Variants in ANK3 observed in about 807,000 individuals in gnomAD.
The protein encoded by ANK3 is ankyrin-3.
In ANK3, 57 loss-of-function variants were observed where a neutral mutation model predicts 370.9. The ratio of observed to expected loss-of-function variants is 0.15; its 90% CI spans 0.12 to 0.19. The LOEUF is 0.19. ANK3 is among the 10% of genes least tolerant of loss of function. The pLI is 1.00. For synonymous variants in ANK3, 1,929 were observed against 1,946.3 expected (o/e 0.99, Z 0.23); for missense variants, 4,439 against 5,302.1 (o/e 0.84, Z 5.06).
rs1288144207 is a variant in ANK3 at position 60,507,728 on chromosome 10, TTACTA to T, written c.96+107453_96+107457del. On this transcript the variant is annotated intron_variant, in intron 2 of 43. Transcript: ENST00000373827. ...AAATTTTACCAAAAAAAGCAAAATGTTACTAAACTCCTAGAGAATTAAGAGTAATG... is the reference window on the plus strand; with the variant it reads ...AAATTTTACCAAAAAAAGCAAAATGTAACTCCTAGAGAATTAAGAGTAATG... 4 of 152,044 alleles carry T rather than the reference TTACTA, an allele frequency of 2.6e-5. No homozygotes were observed. In the East Asian group the frequency reaches 7.7e-4, roughly 29 times the overall value. 9.4% of individuals were successfully genotyped at this position (152,044 alleles called of 1,614,324 possible). A position where few individuals can be genotyped will look rare whatever the true frequency, so the allele number is the denominator to read the frequency against.
chr10:60,691,324 T>C (rs1343066535), intron 1 of ANK3, among the ~76,000 whole-genome samples: 4 of 151,956 alleles, frequency 2.6e-5, no homozygotes, highest in African/African-American at 7.3e-5. Context: ...GAAAAGAAAA[T>C]ACTACTTGAA....
At chr10:60,538,332 G>T (rs2076769100) in intron 2 of ANK3, among the ~76,000 whole-genome samples, 1 of 151,826 alleles carries the variant, frequency 6.6e-6, no homozygotes, top group Non-Finnish European at 1.5e-5. Context: ...GTATAGTCAG[G>T]TGTACAAAAA....
chr10:60,248,347 A>AT lies in ANK3; in HGVS notation c.798+13511dup, dbSNP rs948314063. Among the ~76,000 whole-genome samples the AT allele has an allele frequency of 2.8e-4, 43 of 151,966 alleles. No homozygotes were observed. The South Asian group carries it at 5.4e-3, about 19-fold the overall frequency. On this transcript the variant is annotated intron_variant, in intron 7 of 43. Coordinates refer to ENST00000280772, the MANE Select transcript of ANK3 (RefSeq NM_020987.5). Reference sequence around the variant, plus strand: ...CCTTGCCAAGACCGGCTATTTTCTGATTTTTTTTGATAGTAGCCATTTTAA... The same window carrying AT: ...CCTTGCCAAGACCGGCTATTTTCTGATTTTTTTTTGATAGTAGCCATTTTAA...
intron 1 of ANK3, among the ~76,000 whole-genome samples, chr10:60,326,322 A>G (rs1304230825): frequency 6.6e-6 from 1 of 152,192 alleles, no homozygotes; most frequent in Non-Finnish European, 1.5e-5. Context: ...TTTGCTTAAG[A>G]AAGCCAAAGC....
At chr10:60,175,012 G>A (rs959106837) in intron 18 of ANK3, among the ~76,000 whole-genome samples, 9 of 152,140 alleles carry the variant, frequency 5.9e-5, no homozygotes, top group African/African-American at 2.2e-4. Flanking sequence ...GAACCACCAT[G>A]CCTGGCCTAA....
rs10218890 is a variant in ANK3 at position 60,081,347 on chromosome 10, C to T, written c.4351-729G>A. The T allele has an allele frequency of 9.6e-3, 2,409 of 252,138 alleles. 47 individuals carry two copies. Among genetic ancestry groups the T allele is most frequent in the African/African-American group, 0.047 (2,072 of 44,352 alleles). The allele number at this position is 252,138 out of a possible 1,614,324, so 15.6% of individuals were successfully genotyped here. A position where few individuals can be genotyped will look rare whatever the true frequency, so the allele number is the denominator to read the frequency against. ...TGATTCCCCCACCCCATCCCCGCCT[C>T]GGCCTCCCAAAGTGCTAGGATTACA... On this transcript the variant is annotated intron_variant, in intron 35 of 43. Coordinates refer to ENST00000280772, the MANE Select transcript of ANK3 (RefSeq NM_020987.5).
At chr10:60,054,146 G>A (rs1042611207) in intron 42 of ANK3, among the ~76,000 whole-genome samples, 40 of 152,168 alleles carry the variant, frequency 2.6e-4, no homozygotes, top group African/African-American at 9.7e-4. Context: ...GTTTATATGT[G>A]TTTGTATAGA....
intron 43 of ANK3, among the ~76,000 whole-genome samples, chr10:60,034,531 C>T (rs1437718938): frequency 3.3e-5 from 5 of 152,210 alleles, no homozygotes; most frequent in African/African-American, 1.2e-4. Flanking sequence ...ATTGTCTTTG[C>T]TCATGATTTT....
chr10:60,100,514 G>A (rs2091063044), intron 28 of ANK3, among the ~76,000 whole-genome samples: 1 of 152,118 alleles, frequency 6.6e-6, no homozygotes, highest in East Asian at 1.9e-4. Context: ...TATGTAGTCA[G>A]ACAGTAAATT....
intron 1 of ANK3, among the ~76,000 whole-genome samples, chr10:60,670,524 T>C (rs889626379): frequency 6.6e-6 from 1 of 152,104 alleles, no homozygotes; most frequent in African/African-American, 2.4e-5. Flanking sequence ...ATTACTGCAA[T>C]AGGTTTCTCA....
At chr10:60,527,230 G>T (rs905103501) in intron 2 of ANK3, among the ~76,000 whole-genome samples, 2 of 152,070 alleles carry the variant, frequency 1.3e-5, no homozygotes, top group Non-Finnish European at 2.9e-5. Context: ...CCCCAGATCA[G>T]GTATCTGGAT....
intron 18 of ANK3, among the ~76,000 whole-genome samples, chr10:60,176,177 T>G (rs1219572439): frequency 1.3e-5 from 1 of 77,714 alleles, no homozygotes; most frequent in African/African-American, 5.1e-5. Context: ...CTGCTAAAAA[T>G]ACAAAAAAAA....
At chr10:60,548,068 A>T (rs1330227592) in intron 2 of ANK3, among the ~76,000 whole-genome samples, 1 of 152,198 alleles carries the variant, frequency 6.6e-6, no homozygotes, top group African/African-American at 2.4e-5. Flanking sequence ...CCCAAAGAGG[A>T]AAATTTTCCA....
At chr10:60,331,667 C>T (rs997990373) in intron 1 of ANK3, among the ~76,000 whole-genome samples, 2 of 151,930 alleles carry the variant, frequency 1.3e-5, no homozygotes, top group Non-Finnish European at 2.9e-5. Flanking sequence ...CCTGCCCATC[C>T]TTCTTTCAAG....
intron 18 of ANK3, among the ~76,000 whole-genome samples, chr10:60,177,503 G>C (rs912794111): frequency 6.6e-6 from 1 of 150,544 alleles, no homozygotes; most frequent in African/African-American, 2.4e-5. Context: ...AATGGTACTT[G>C]TGATCACCCA....
chr10:60,338,649 C>T (rs10994307), intron 1 of ANK3, among the ~76,000 whole-genome samples: 3,232 of 152,274 alleles, frequency 0.021, 113 homozygotes, highest in African/African-American at 0.072. Flanking sequence ...CTCCCCAATT[C>T]ATCATCTCCC....
chr10:60,493,797 T>C (rs1339140452), intron 2 of ANK3, among the ~76,000 whole-genome samples: 4 of 152,160 alleles, frequency 2.6e-5, no homozygotes, highest in East Asian at 1.9e-4. Flanking sequence ...AGACACAGAA[T>C]TGGATAAAAT....
At chr10:60,334,075 T>C (rs1169141377) in intron 1 of ANK3, among the ~76,000 whole-genome samples, 2 of 152,136 alleles carry the variant, frequency 1.3e-5, no homozygotes, top group Non-Finnish European at 2.9e-5. Flanking sequence ...CTAAAAAAGG[T>C]TAAAAATCCC....
At chr10:60,652,470 G>C (rs2078802479) in intron 1 of ANK3, among the ~76,000 whole-genome samples, 1 of 151,710 alleles carries the variant, frequency 6.6e-6, no homozygotes, top group African/African-American at 2.4e-5. Flanking sequence ...ACTTGAAAAA[G>C]GTCTTATTAA....
Sources: gnomAD v4.1 joint callset for allele counts (sites outside exome capture counted in the v4.1 genomes callset) on GRCh38, gnomAD v4.1.1 for gene constraint, MANE v1.5 for transcripts, NCBI Gene and HGNC (gene_info 2026-07-23, HGNC 2026-07-21) for gene names.